FBXO25: variants seen among roughly 807,000 people sequenced by gnomAD.
FBXO25 encodes F-box protein 25, also known as F-box only protein 25.
A neutral mutation model predicts 51.9 loss-of-function variants in FBXO25; 45 were observed. That is an observed-to-expected ratio of 0.87 (90% CI 0.68 to 1.11). The LOEUF (loss-of-function observed/expected upper bound fraction) is 1.11, where lower values mean the gene tolerates loss of function less well. FBXO25 is among the 50% of genes most tolerant of loss of function. FBXO25 has a pLI of 0.00. For missense variants in FBXO25, 507 were observed against 428.5 expected (o/e 1.18, Z -1.62); for synonymous variants, 199 against 151.0 (o/e 1.32, Z -2.33).
intron 4 of FBXO25, among the ~76,000 whole-genome samples, chr8:433,547 T>A (rs1797938253): frequency 6.6e-6 from 1 of 152,188 alleles, no homozygotes; most frequent in Non-Finnish European, 1.5e-5. Flanking sequence ...ACTCTTTCCC[T>A]GCCTTTCTTT....
chr8:459,980 A>G (rs1370074974), intron 8 of FBXO25, among the ~76,000 whole-genome samples: 1 of 152,108 alleles, frequency 6.6e-6, no homozygotes, highest in Non-Finnish European at 1.5e-5. Context: ...GAATTCCAGT[A>G]TTAATTTGAG....
chr8:477,245 G>A lies in FBXO25; in HGVS notation c.*8441G>A, dbSNP rs1485379590. ...AGGTCCATTTGCACTTGAGAAAAAC[G>A]TGTGTACTGCTGTTGTGTCTGTTAG... is the stretch of plus-strand genomic sequence containing the variant. On this transcript the variant is annotated 3_prime_UTR_variant, in exon 10 of 10. Transcript: ENST00000350302. 2 of 152,156 alleles carry A rather than the reference G, an allele frequency of 1.3e-5. No individual in the cohort carries two copies. The highest frequency in any genetic ancestry group is 2.9e-5 in the Non-Finnish European group (2 of 68,034). 9.4% of individuals were successfully genotyped at this position (152,156 alleles called of 1,614,324 possible).
chr8:415,225 C>G (rs531487613), intron 2 of FBXO25, among the ~76,000 whole-genome samples: 2 of 152,258 alleles, frequency 1.3e-5, no homozygotes, highest in South Asian at 4.1e-4. Context: ...TTCTACGTAA[C>G]TTTGTTAATT....
chr8:468,939 C>A lies in FBXO25; in HGVS notation c.*135C>A. 1.4e-6 allele frequency: 1 copy of A among 735,838 alleles called. No homozygotes were observed. 45.6% of individuals were successfully genotyped at this position (735,838 alleles called of 1,614,324 possible). On this transcript the variant is annotated 3_prime_UTR_variant, in exon 10 of 10. Coordinates refer to ENST00000350302, the MANE Select transcript of FBXO25 (RefSeq NM_183420.2). ...AGAAAGCCTGGGAAGAACTGCCCTT[C>A]TGCAAAGGGGGGACTGCATGGTTGC...
At chr8:461,448 G>A (rs574713352) in intron 8 of FBXO25, among the ~76,000 whole-genome samples, 2 of 152,288 alleles carry the variant, frequency 1.3e-5, no homozygotes, top group African/African-American at 4.8e-5. Flanking sequence ...CATGTGCAGG[G>A]GAACTGCCCT....
In FBXO25 at chr8:470,918, T is replaced by C. The variant is rs1030791053; in HGVS notation, c.*2114T>C. On this transcript the variant is annotated 3_prime_UTR_variant, in exon 10 of 10. Transcript: ENST00000350302. ...TTTTGGGGTGGATGTCAGTCTTTTT[T>C]CATGTTAGTTTCTTCTTAAAAGGAA... 5.9e-5 allele frequency: 9 copies of C among 152,254 alleles called. No individual in the cohort carries two copies. The highest frequency in any genetic ancestry group is 2.2e-4 in the African/African-American group (9 of 41,468). 9.4% of individuals were successfully genotyped at this position (152,254 alleles called of 1,614,324 possible). A position where few individuals can be genotyped will look rare whatever the true frequency, so the allele number is the denominator to read the frequency against.
chr8:440,359 A>T (rs1798352026), intron 5 of FBXO25, among the ~76,000 whole-genome samples: 1 of 152,242 alleles, frequency 6.6e-6, no homozygotes, highest in South Asian at 2.1e-4. Context: ...CAGAGGGATG[A>T]CAGCTGCATG....
chr8:433,430 C>T (rs867379745), intron 4 of FBXO25, among the ~76,000 whole-genome samples: 50 of 152,276 alleles, frequency 3.3e-4, no homozygotes, highest in South Asian at 1.5e-3. Flanking sequence ...TGTGTCCTCC[C>T]TGTGGCGTGT....
intron 9 of FBXO25, 120 bp downstream of exon 9, chr8:463,270 A>G (rs1799936388): frequency 2.6e-6 from 3 of 1,136,362 alleles, no homozygotes; most frequent in Non-Finnish European, 3.8e-6. Context: ...AAGTAAGTTA[A>G]GGAGATATAT....
chr8:415,021 A>G (rs1423866467), intron 2 of FBXO25, among the ~76,000 whole-genome samples: 4 of 152,230 alleles, frequency 2.6e-5, no homozygotes, highest in Non-Finnish European at 5.9e-5. Flanking sequence ...AGGAAAAACC[A>G]TTTAACTTTG....
intron 9 of FBXO25, chr8:468,400 C>A (rs1054573202): frequency 3.9e-6 from 2 of 510,496 alleles, no homozygotes; most frequent in African/African-American, 4.2e-5. Context: ...CTTCTGTGGC[C>A]TTGTAGATTC....
At chr8:411,053 G>A (rs1370119464) in intron 1 of FBXO25, among the ~76,000 whole-genome samples, 1 of 151,884 alleles carries the variant, frequency 6.6e-6, no homozygotes, top group Non-Finnish European at 1.5e-5. Context: ...GTTGGGAGGT[G>A]GTGTTTGGAG....
intron 5 of FBXO25, among the ~76,000 whole-genome samples, chr8:443,114 T>A (rs757938157): frequency 3.3e-5 from 5 of 151,268 alleles, no homozygotes; most frequent in Non-Finnish European, 7.4e-5. Flanking sequence ...TGAATTAAAT[T>A]TGACCTTGTA....
intron 5 of FBXO25, among the ~76,000 whole-genome samples, chr8:436,350 A>G (rs1188811603): frequency 6.6e-6 from 1 of 152,154 alleles, no homozygotes; most frequent in African/African-American, 2.4e-5. Context: ...GAAGCTATTA[A>G]TTTTGTGTTT....
At chr8:457,704 T>A (rs559808261) in intron 7 of FBXO25, among the ~76,000 whole-genome samples, 1 of 152,326 alleles carries the variant, frequency 6.6e-6, no homozygotes, top group African/African-American at 2.4e-5. Context: ...AATAAAAGGA[T>A]TATGACTTGA....
intron 9 of FBXO25, among the ~76,000 whole-genome samples, chr8:465,935 TATC>T (rs1219209154): frequency 3.3e-5 from 5 of 152,240 alleles, no homozygotes; most frequent in African/African-American, 1.2e-4. Flanking sequence ...TGAACTTTGT[TATC>T]ATACTTGATC....
intron 9 of FBXO25, among the ~76,000 whole-genome samples, chr8:463,894 G>C (rs1040625856): frequency 6.6e-6 from 1 of 152,054 alleles, no homozygotes; most frequent in African/African-American, 2.4e-5. Flanking sequence ...GCTCACTGCA[G>C]CCTCTACCTC....
At chr8:439,935 C>G (rs1490707181) in intron 5 of FBXO25, among the ~76,000 whole-genome samples, 3 of 152,218 alleles carry the variant, frequency 2.0e-5, no homozygotes, top group Non-Finnish European at 4.4e-5. Flanking sequence ...GGAAAGACAT[C>G]TCAGGCTAGA....
chr8:427,990 G>A (rs11783748), intron 2 of FBXO25, among the ~76,000 whole-genome samples: 6,588 of 151,784 alleles, frequency 0.043, 181 homozygotes, highest in Non-Finnish European at 0.067. Flanking sequence ...TCTCTTAAGG[G>A]AAATACCATC....
Sources: allele counts gnomAD v4.1 joint callset (sites outside exome capture counted in the v4.1 genomes callset), GRCh38; gene constraint gnomAD v4.1.1; transcripts MANE v1.5; gene names NCBI Gene and HGNC (gene_info 2026-07-23, HGNC 2026-07-21).